The following OLFM3 variants were observed in gnomAD, a reference collection of about 807,000 sequenced individuals.
OLFM3 encodes olfactomedin 3, also known as noelin-3.
A neutral mutation model predicts 48.6 loss-of-function variants in OLFM3; 20 were observed. The ratio of observed to expected loss-of-function variants is 0.41; its 90% CI spans 0.29 to 0.60. OLFM3 has a LOEUF of 0.60. Among genes scored for constraint, OLFM3 ranks in the 20% least tolerant of loss-of-function variants. OLFM3 has a pLI of 0.28. For synonymous variants in OLFM3, 222 were observed against 198.1 expected, an observed-to-expected ratio of 1.12 and a Z score of -1.01; for missense variants, 437 against 544.3, an observed-to-expected ratio of 0.80 and a Z score of 1.96.
chr1:101,974,960 T>C (rs1262405035), intron 1 of OLFM3, among the ~76,000 whole-genome samples: 2 of 152,222 alleles, frequency 1.3e-5, no homozygotes, highest in Non-Finnish European at 2.9e-5. Context: ...TCAGAAAAAC[T>C]GTTTCTCAGT....
At chr1:101,956,097 T>C (rs1432139245) in intron 1 of OLFM3, among the ~76,000 whole-genome samples, 1 of 149,210 alleles carries the variant, frequency 6.7e-6, no homozygotes, top group East Asian at 2.0e-4. Context: ...TTTTTTTTTT[T>C]TTTTTTAAAA....
chr1:101,910,694 G>A (rs1432469426), intron 1 of OLFM3, among the ~76,000 whole-genome samples: 1 of 152,136 alleles, frequency 6.6e-6, no homozygotes, highest in Admixed American at 6.5e-5. Context: ...TACTTGCTTA[G>A]ATTATAACGT....
intron 1 of OLFM3, among the ~76,000 whole-genome samples, chr1:101,908,021 A>AT (rs886577134): frequency 1.3e-5 from 2 of 152,202 alleles, no homozygotes; most frequent in African/African-American, 4.8e-5. Flanking sequence ...TCTATTTAGC[A>AT]TTTTTTCCTC....
At chr1:101,919,948 T>C (rs1299125666) in intron 1 of OLFM3, among the ~76,000 whole-genome samples, 1 of 152,206 alleles carries the variant, frequency 6.6e-6, no homozygotes. Context: ...ATGGCAACTC[T>C]ATTCTGGCAG....
At chr1:101,827,221 A>G (rs1382876681) in intron 3 of OLFM3, among the ~76,000 whole-genome samples, 2 of 152,236 alleles carry the variant, frequency 1.3e-5, no homozygotes, top group African/African-American at 4.8e-5. Flanking sequence ...GTCAATCTCA[A>G]GTATAGTAGT....
rs187315753 is a variant in OLFM3 at position 101,884,805 on chromosome 1, T to A, written c.70-47780A>T. On this transcript the variant is annotated intron_variant, in intron 1 of 5. Coordinates refer to ENST00000370103, the MANE Select transcript of OLFM3 (RefSeq NM_058170.4). Reference sequence around the variant, plus strand: ...TTAGTAAGGGCTTGCCTTTTAAAGTTCTTTTGATATTGCACAATGCCCCTG... The same window carrying A: ...TTAGTAAGGGCTTGCCTTTTAAAGTACTTTTGATATTGCACAATGCCCCTG... Among the ~76,000 whole-genome samples the A allele has an allele frequency of 3.2e-3, 479 of 152,044 alleles. 3 individuals are homozygous for A. The highest frequency in any genetic ancestry group is 0.011 in the African/African-American group (448 of 41,530).
At chr1:101,902,934 C>T (rs1268068468) in intron 1 of OLFM3, among the ~76,000 whole-genome samples, 8 of 152,040 alleles carry the variant, frequency 5.3e-5, no homozygotes, top group Non-Finnish European at 1.2e-4. Flanking sequence ...GACCACCTTG[C>T]TGGGTGAGTG....
intron 1 of OLFM3, among the ~76,000 whole-genome samples, chr1:101,921,804 T>A (rs1659103107): frequency 6.6e-6 from 1 of 152,134 alleles, no homozygotes; most frequent in South Asian, 2.1e-4. Flanking sequence ...ACGCCTGTAA[T>A]CCCAGCACTT....
intron 1 of OLFM3, among the ~76,000 whole-genome samples, chr1:101,853,053 T>G (rs1186155603): frequency 6.6e-6 from 1 of 152,098 alleles, no homozygotes; most frequent in East Asian, 1.9e-4. Context: ...CTTCTTAAAA[T>G]ATAAATCAAA....
intron 1 of OLFM3, among the ~76,000 whole-genome samples, chr1:101,844,637 T>C (rs749405202): frequency 1.3e-5 from 2 of 152,092 alleles, no homozygotes; most frequent in Non-Finnish European, 2.9e-5. Flanking sequence ...CCCTAAGATT[T>C]CTAAGGAGAT....
chr1:101,836,768 G>A (rs887189130), intron 2 of OLFM3, 111 bp downstream of exon 2: 5 of 1,113,634 alleles, frequency 4.5e-6, no homozygotes, highest in Admixed American at 4.2e-5. Context: ...ATCTGAGAAG[G>A]GGGACAAAAA....
rs138134405 is a variant in OLFM3 at position 101,917,918 on chromosome 1, G to A, written c.69+78830C>T. On this transcript the variant is annotated intron_variant, in intron 1 of 5. Coordinates refer to ENST00000370103, the MANE Select transcript of OLFM3 (RefSeq NM_058170.4). ...TATTCTCCTGAGCAGAAAAGAGCAC[G>A]TAATTTATAATTATTGAGGTTTTCT... Among the ~76,000 whole-genome samples the A allele has an allele frequency of 5.7e-3, 863 of 152,146 alleles. 4 individuals carry two copies. Among genetic ancestry groups the A allele is most frequent in the Non-Finnish European group, 9.6e-3 (651 of 68,006 alleles).
At position 101,966,904 on chromosome 1, in the gene OLFM3, A is replaced by G. The variant is rs562102478; in HGVS notation, c.69+29844T>C. Among the ~76,000 whole-genome samples the G allele has an allele frequency of 2.5e-4, 38 of 152,344 alleles. 2 individuals carry two copies. In the South Asian group the frequency reaches 6.8e-3, roughly 27 times the overall value. On this transcript the variant is annotated intron_variant, in intron 1 of 5. Coordinates refer to ENST00000370103, the MANE Select transcript of OLFM3 (RefSeq NM_058170.4). ...AGAGTTGGATAAAATTCAGATATAA[A>G]AAAATAAGTACAATGTAAGCTTCCT...
chr1:101,820,980 T>C (rs1654583414), intron 4 of OLFM3, among the ~76,000 whole-genome samples: 1 of 152,066 alleles, frequency 6.6e-6, no homozygotes, highest in Admixed American at 6.6e-5. Flanking sequence ...ATTCTGTAAT[T>C]ATCCAATGTC....
At chr1:101,928,697 C>A (rs1340742208) in intron 1 of OLFM3, among the ~76,000 whole-genome samples, 6 of 152,118 alleles carry the variant, frequency 3.9e-5, no homozygotes. Flanking sequence ...ATAGATGCAG[C>A]AGCAACTACT....
intron 1 of OLFM3, among the ~76,000 whole-genome samples, chr1:101,856,065 A>C (rs1656398366): frequency 6.6e-6 from 1 of 152,018 alleles, no homozygotes; most frequent in African/African-American, 2.4e-5. Context: ...CTTTTTAACA[A>C]ATTCATGCAA....
rs556692410 is a variant in OLFM3, at chr1:101,971,357, G to A, written c.69+25391C>T. On this transcript the variant is annotated intron_variant, in intron 1 of 5. Coordinates refer to ENST00000370103, the MANE Select transcript of OLFM3 (RefSeq NM_058170.4). ...GCATTGGAATTTGGGGTGGCCCTAC[G>A]CTTTTCTTTTCAGCTGGTTTCTGCC... Among the ~76,000 whole-genome samples, 5 of 152,288 alleles carry A rather than the reference G, an allele frequency of 3.3e-5. No homozygotes were observed. In the East Asian group the frequency reaches 7.7e-4, roughly 24 times the overall value.
intron 1 of OLFM3, among the ~76,000 whole-genome samples, chr1:101,863,417 AGCT>A (rs2100966303): frequency 6.6e-6 from 1 of 152,324 alleles, no homozygotes; most frequent in South Asian, 2.1e-4. Context: ...TCAAATATCA[AGCT>A]ACTTCAACTT....
chr1:101,877,730 G>C (rs1657357338), intron 1 of OLFM3, among the ~76,000 whole-genome samples: 2 of 151,354 alleles, frequency 1.3e-5, no homozygotes, highest in Non-Finnish European at 2.9e-5. Context: ...TATTAAAAAT[G>C]ACCTTAGTCT....
Sources: gnomAD v4.1 joint callset for allele counts (sites outside exome capture counted in the v4.1 genomes callset) on GRCh38, gnomAD v4.1.1 for gene constraint, MANE v1.5 for transcripts, NCBI Gene and HGNC (gene_info 2026-07-23, HGNC 2026-07-21) for gene names.